Variants in NCBP3 observed in about 807,000 individuals in gnomAD.
NCBP3 encodes nuclear cap binding subunit 3, also known as nuclear cap-binding protein subunit 3.
Under a neutral mutation model 75.7 loss-of-function variants are expected in NCBP3, and 20 were observed. The ratio of observed to expected loss-of-function variants is 0.26; its 90% CI spans 0.19 to 0.38. The LOEUF (loss-of-function observed/expected upper bound fraction) is 0.38. Ranked by LOEUF, NCBP3 falls within the 10% of genes least tolerant of loss-of-function variation. The pLI is 1.00. For missense variants in NCBP3, 678 were observed against 796.9 expected (o/e 0.85, Z 1.80); for synonymous variants, 293 against 290.5 (o/e 1.01, Z -0.09).
chr17:3,816,958 C>T (rs1054533371), intron 10 of NCBP3, among the ~76,000 whole-genome samples: 2 of 151,868 alleles, frequency 1.3e-5, no homozygotes, highest in East Asian at 3.9e-4. Flanking sequence ...ACCCAGAAGG[C>T]GGAGCTTGCA....
At chr17:3,822,355 G>A (rs1249765213) in intron 7 of NCBP3, 2 of 227,412 alleles carry the variant, frequency 8.8e-6, no homozygotes, top group African/African-American at 2.3e-5. Flanking sequence ...AGAGCTTTAG[G>A]TCATTACAGG....
At chr17:3,839,041 G>A (rs2054021599) in intron 3 of NCBP3, among the ~76,000 whole-genome samples, 1 of 151,938 alleles carries the variant, frequency 6.6e-6, no homozygotes, top group South Asian at 2.1e-4. Flanking sequence ...ACAGAGGGAA[G>A]CCTTCTGCAT....
At chr17:3,833,839 T>A (rs527997215) in intron 3 of NCBP3, among the ~76,000 whole-genome samples, 2 of 152,202 alleles carry the variant, frequency 1.3e-5, no homozygotes, top group Non-Finnish European at 2.9e-5. Context: ...TAAAATTAAA[T>A]TTTTTGTCAG....
chr17:3,839,997 T>C (rs1486691491), intron 3 of NCBP3, 103 bp downstream of exon 3: 1 of 810,294 alleles, frequency 1.2e-6, no homozygotes, highest in African/African-American at 1.7e-5. Flanking sequence ...AGTGCTTGGA[T>C]AAGGAGTGGA....
At chr17:3,836,064 A>G (rs2053966929) in intron 3 of NCBP3, among the ~76,000 whole-genome samples, 1 of 152,252 alleles carries the variant, frequency 6.6e-6, no homozygotes, top group Non-Finnish European at 1.5e-5. Context: ...GGATCAGTTA[A>G]TGACACAGCA....
intron 3 of NCBP3, among the ~76,000 whole-genome samples, chr17:3,835,519 G>A (rs2053958264): frequency 1.3e-5 from 2 of 152,282 alleles, no homozygotes; most frequent in African/African-American, 2.4e-5. Flanking sequence ...TCCAGCACCC[G>A]AAGGGCTACT....
rs372675759 is a variant in NCBP3 at position 3,841,063 on chromosome 17, G to A, written c.250-858C>T. On this transcript the variant is annotated intron_variant, in intron 2 of 12. Coordinates refer to ENST00000389005, the MANE Select transcript of NCBP3 (RefSeq NM_001114118.3). ...ACGATCTCAGCTCACAGCAACCTCCGCCTCCCGGGTTCAAGAGATTCTCCT... is the reference window on the plus strand; with the variant it reads ...ACGATCTCAGCTCACAGCAACCTCCACCTCCCGGGTTCAAGAGATTCTCCT... Among the ~76,000 whole-genome samples, 250 of 152,176 alleles carry A rather than the reference G, an allele frequency of 1.6e-3. 2 individuals carry two copies. The highest frequency in any genetic ancestry group is 5.6e-3 in the African/African-American group (233 of 41,516).
Position 3,814,357 on chromosome 17 carries a change from T to C in NCBP3, c.1592A>G (p.Lys531Arg). Reference protein sequence around the residue: ...SRLGVPRQDSKGLYADTREKK... With the variant: ...SRLGVPRQDSRGLYADTREKK... ...CTCCCGAGTATCGGCGTAGAGGCCT[T>C]TACTATCCTGCCTGGGAACACCTAG... Residue 531 changes from lysine (K) to arginine (R), a missense_variant, in exon 12 of 13, where the codon AAA becomes AGA. Lys to Arg is a conservative substitution (Grantham distance 26). Transcript: ENST00000389005. The C allele has an allele frequency of 6.2e-7, 1 of 1,614,214 alleles. No homozygotes were observed. Among genetic ancestry groups the C allele is most frequent in the Non-Finnish European group, 8.5e-7 (1 of 1,180,032 alleles).
chr17:3,833,168 G>A (rs901177933), intron 3 of NCBP3, among the ~76,000 whole-genome samples: 16 of 152,140 alleles, frequency 1.1e-4, no homozygotes, highest in Admixed American at 3.9e-4. Flanking sequence ...TGGTATGATC[G>A]CCTGAGCCCA....
In NCBP3 at chr17:3,813,325, A is replaced by G. The variant is rs778314653; in HGVS notation, c.1628-46T>C. ...TTCACTTTCGCAGTCAGCGCTAAGA[A>G]CCAGGGTAGCACTGAGGGGGCAGCA... On this transcript the variant is annotated intron_variant, in intron 12 of 12. Transcript: ENST00000389005. The G allele has an allele frequency of 5.6e-6, 9 of 1,607,210 alleles. No homozygotes were observed. The East Asian group carries it at 8.9e-5, about 16-fold the overall frequency.
rs576158466 is a variant in NCBP3 at position 3,835,057 on chromosome 17, A to C, written c.355+5043T>G. ...CCCTTCACCAACCACTGGATGAAGA[A>C]ACAGAAGCCACGTGTACACAATGGA... is the stretch of plus-strand genomic sequence containing the variant. On this transcript the variant is annotated intron_variant, in intron 3 of 12. Transcript: ENST00000389005. Among the ~76,000 whole-genome samples the C allele has an allele frequency of 2.0e-5, 3 of 152,314 alleles. No individual in the cohort carries two copies. The East Asian group carries it at 5.8e-4, about 29-fold the overall frequency.
intron 4 of NCBP3, 26 bp downstream of exon 4, chr17:3,829,217 T>C: frequency 1.3e-6 from 2 of 1,550,282 alleles, no homozygotes; most frequent in Non-Finnish European, 1.7e-6. Context: ...CAAAAGCATA[T>C]TCACAGGAAA....
intron 7 of NCBP3, 102 bp from the exon 8 acceptor site, chr17:3,822,154 A>C: frequency 1.3e-6 from 1 of 784,700 alleles, no homozygotes; most frequent in South Asian, 1.7e-5. Flanking sequence ...AGATCAGCGC[A>C]ATTTGCCAAC....
Position 3,825,446 on chromosome 17 carries a change from A to G in NCBP3, c.687+321T>C, listed in dbSNP as rs573557841. Among the ~76,000 whole-genome samples, 23 of 152,344 alleles carry G rather than the reference A, an allele frequency of 1.5e-4. No individual in the cohort carries two copies. The South Asian group carries it at 4.6e-3, about 30-fold the overall frequency. On this transcript the variant is annotated intron_variant, in intron 6 of 12. Transcript: ENST00000389005. Reference sequence around the variant, plus strand: ...ATATTTTTTAAATGAATGCATGTTAATATTTTTAACAACAGTACATAATCC... The same window carrying G: ...ATATTTTTTAAATGAATGCATGTTAGTATTTTTAACAACAGTACATAATCC...
Position 3,816,246 on chromosome 17 carries a change from T to C in NCBP3, c.1335A>G (p.Val445=), listed in dbSNP as rs771238541. 1 of 1,614,184 alleles carries C rather than the reference T, an allele frequency of 6.2e-7. No individual in the cohort carries two copies. The highest frequency in any genetic ancestry group is 2.2e-5 in the East Asian group (1 of 44,892). Residue 445 remains valine (V), a synonymous_variant, in exon 11 of 13, where the codon GTA becomes GTG. Coordinates refer to ENST00000389005, the MANE Select transcript of NCBP3 (RefSeq NM_001114118.3). ...TTCGGTTTTTGATATTGCTTGAAGA[T>C]ACACTATCTGCCCTCATGGAGTTCC... ...NIRNSMRADS[V]SSSNIKNRIG...
At chr17:3,821,926 T>C in intron 8 of NCBP3, 27 bp downstream of exon 8, 3 of 1,390,844 alleles carry the variant, frequency 2.2e-6, no homozygotes, top group Non-Finnish European at 3.1e-6. Context: ...ACTCAAATAC[T>C]ATTGCATTTG....
chr17:3,808,838 G>A lies in NCBP3; in HGVS notation c.*4206C>T, dbSNP rs2143619164. On this transcript the variant is annotated 3_prime_UTR_variant, in exon 13 of 13. Coordinates refer to ENST00000389005, the MANE Select transcript of NCBP3 (RefSeq NM_001114118.3). ...TTGAATTACTGGGCTCATGCGATCA[G>A]GAGTGTGGAATTTATTCTCGGGGCA... is the stretch of plus-strand genomic sequence containing the variant. 1 of 152,250 alleles carries A rather than the reference G, an allele frequency of 6.6e-6. No homozygotes were observed. The highest frequency in any genetic ancestry group is 1.9e-4 in the East Asian group (1 of 5,184). The allele number at this position is 152,250 out of a possible 1,614,324, so 9.4% of individuals were successfully genotyped here.
In NCBP3 at chr17:3,808,335, A is replaced by G. The variant is rs1225675171; in HGVS notation, c.*4709T>C. Reference sequence around the variant, plus strand: ...AATAGGGCACCTTCCTTAGATTTCTAAGAGGAATTTTAATTACACTCCATT... The same window carrying G: ...AATAGGGCACCTTCCTTAGATTTCTGAGAGGAATTTTAATTACACTCCATT... On this transcript the variant is annotated 3_prime_UTR_variant, in exon 13 of 13. Transcript: ENST00000389005. The G allele has an allele frequency of 6.6e-6, 1 of 152,246 alleles. No homozygotes were observed. Among genetic ancestry groups the G allele is most frequent in the Non-Finnish European group, 1.5e-5 (1 of 68,048 alleles). 9.4% of individuals were successfully genotyped at this position (152,246 alleles called of 1,614,324 possible). A position where few individuals can be genotyped will look rare whatever the true frequency, so the allele number is the denominator to read the frequency against.
chr17:3,825,298 T>C (rs534940460), intron 6 of NCBP3, among the ~76,000 whole-genome samples: 151 of 152,320 alleles, frequency 9.9e-4, no homozygotes, highest in African/African-American at 3.5e-3. Context: ...ATGAGATATC[T>C]GTGCATCAGT....
Sources: gnomAD v4.1 joint callset for allele counts (sites outside exome capture counted in the v4.1 genomes callset) on GRCh38, gnomAD v4.1.1 for gene constraint, MANE v1.5 for transcripts, NCBI Gene and HGNC (gene_info 2026-07-23, HGNC 2026-07-21) for gene names.